The following LDHA variants were observed in gnomAD, a reference collection of about 807,000 sequenced individuals.
The protein encoded by LDHA is lactate dehydrogenase A, also known as L-lactate dehydrogenase A chain.
LDHA carries 10 observed loss-of-function variants against 36.3 expected under a neutral mutation model. That is an observed-to-expected ratio of 0.28 (90% CI 0.17 to 0.47). LDHA has a LOEUF of 0.47. Ranked by LOEUF, LDHA falls within the 20% of genes least tolerant of loss-of-function variation. The pLI is 0.99. For synonymous variants in LDHA, 110 were observed against 136.7 expected (o/e 0.80, Z 1.36); for missense variants, 267 against 405.8 (o/e 0.66, Z 2.94).
In LDHA at chr11:18,396,835, A is replaced by G; in HGVS notation, c.-8A>G. ...CTCCTATAGATTCCTTTTGGTTCCA[A>G]GTCCAATATGGCAACTCTAAAGGAT... On this transcript the variant is annotated 5_prime_UTR_variant, in exon 2 of 8. Coordinates refer to ENST00000422447, the MANE Select transcript of LDHA (RefSeq NM_005566.4). The G allele has an allele frequency of 6.2e-7, 1 of 1,609,540 alleles. No homozygotes were observed. The highest frequency in any genetic ancestry group is 8.5e-7 in the Non-Finnish European group (1 of 1,177,652).
intron 7 of LDHA, chr11:18,405,826 A>G (rs561665039): frequency 6.2e-4 from 217 of 352,510 alleles, no homozygotes; most frequent in Non-Finnish European, 8.5e-4. Flanking sequence ...TAGGTGGAAG[A>G]CTATAAAAGA....
Position 18,402,931 on chromosome 11 carries a change from C to T in LDHA, c.510C>T (p.Phe170=). 2 of 1,612,732 alleles carry T rather than the reference C, an allele frequency of 1.2e-6. No individual in the cohort carries two copies. Among genetic ancestry groups the T allele is most frequent in the Non-Finnish European group, 1.7e-6 (2 of 1,178,774 alleles). ...GSGCNLDSAR[F]RYLMGERLGV... Reference sequence around the variant, plus strand: ...GTTGCAATCTGGATTCAGCCCGATTCCGTTACCTAATGGGGGAAAGGCTGG... The same window carrying T: ...GTTGCAATCTGGATTCAGCCCGATTTCGTTACCTAATGGGGGAAAGGCTGG... Residue 170 remains phenylalanine, a synonymous_variant, in exon 5 of 8, where the codon TTC becomes TTT. Coordinates refer to ENST00000422447, the MANE Select transcript of LDHA (RefSeq NM_005566.4).
At chr11:18,399,994 C>T in intron 3 of LDHA, 1 of 191,180 alleles carries the variant, frequency 5.2e-6, no homozygotes, top group Non-Finnish European at 1.1e-5. Context: ...ACTTAGGTGC[C>T]TGTGAATATC....
Position 18,408,191 on chromosome 11 carries a change from A to G in LDHA, c.*910A>G. ...GAGATCTTGTCCTCTGGAAGCTGGTAACAATTAAAAACAATCTTAAGGCAG... is the reference window on the plus strand; with the variant it reads ...GAGATCTTGTCCTCTGGAAGCTGGTGACAATTAAAAACAATCTTAAGGCAG... On this transcript the variant is annotated 3_prime_UTR_variant, in exon 8 of 8. Transcript: ENST00000422447. The G allele has an allele frequency of 2.2e-6, 1 of 454,112 alleles. No homozygotes were observed. The highest frequency in any genetic ancestry group is 4.4e-6 in the Non-Finnish European group (1 of 226,790). The allele number at this position is 454,112 out of a possible 1,614,324, so 28.1% of individuals were successfully genotyped here.
chr11:18,399,695 C>T (rs1866414384), intron 3 of LDHA, 147 bp downstream of exon 3: 4 of 696,748 alleles, frequency 5.7e-6, no homozygotes, highest in Admixed American at 2.0e-5. Flanking sequence ...ATCCTCCTTC[C>T]ACTTCATTAC....
chr11:18,394,675 G>A (rs1198827620), intron 1 of LDHA, 39 bp downstream of exon 1: 1 of 453,306 alleles, frequency 2.2e-6, no homozygotes, highest in Non-Finnish European at 4.4e-6. Flanking sequence ...CAGAGGGATG[G>A]GCGGGTAGAG....
At chr11:18,401,473 C>CTTTTTTTTTTTTTTTTTTT (rs58157049) in intron 4 of LDHA, among the ~76,000 whole-genome samples, 4 of 68,588 alleles carry the variant, frequency 5.8e-5, no homozygotes, top group South Asian at 6.3e-4. Context: ...ATTTATTTTT[C>CTTTTTTTTTTTTTTTTTTT]TTTTTTTTTT....
At chr11:18,403,282 T>C (rs1866566328) in intron 5 of LDHA, among the ~76,000 whole-genome samples, 1 of 152,206 alleles carries the variant, frequency 6.6e-6, no homozygotes, top group South Asian at 2.1e-4. Flanking sequence ...TCTTCAGTCA[T>C]TTAATATCAC....
At position 18,397,080 on chromosome 11, in the gene LDHA, G is replaced by T. The variant is rs545166605; in HGVS notation, c.126+112G>T. On this transcript the variant is annotated intron_variant, in intron 2 of 7. Transcript: ENST00000422447. ...TTCATGTAACAGTATTTAGATTTAT[G>T]CACTCATTCGGATAACTTTCTGTGA... 12 of 935,864 alleles carry T rather than the reference G, an allele frequency of 1.3e-5. No individual in the cohort carries two copies. In the African/African-American group the frequency reaches 1.8e-4, roughly 14 times the overall value. 58.0% of individuals were successfully genotyped at this position (935,864 alleles called of 1,614,324 possible).
intron 1 of LDHA, chr11:18,396,419 TG>T (rs1866304481): frequency 2.4e-6 from 1 of 424,172 alleles, no homozygotes; most frequent in African/African-American, 2.0e-5. Context: ...TGGCAGTTAA[TG>T]GCTTTTCTGC....
At chr11:18,396,437 C>G (rs754844605) in intron 1 of LDHA, 3 of 451,310 alleles carry the variant, frequency 6.6e-6, no homozygotes, top group Non-Finnish European at 7.4e-6. Flanking sequence ...CTGCACGTAT[C>G]TCTGGTGTTT....
intron 1 of LDHA, chr11:18,396,602 C>G: frequency 1.4e-6 from 2 of 1,379,502 alleles, no homozygotes; most frequent in Non-Finnish European, 1.9e-6. Context: ...ATTCCTTTTC[C>G]ACGCTAAGGT....
chr11:18,395,456 C>T (rs1198390178), intron 1 of LDHA, among the ~76,000 whole-genome samples: 1 of 152,156 alleles, frequency 6.6e-6, no homozygotes, highest in Non-Finnish European at 1.5e-5. Flanking sequence ...TGCCCTCCCA[C>T]CTCCGCCCCT....
chr11:18,399,725 A>T, intron 3 of LDHA, 177 bp downstream of exon 3: 3 of 633,990 alleles, frequency 4.7e-6, no homozygotes, highest in Non-Finnish European at 8.6e-6. Flanking sequence ...CTCACAAAGA[A>T]ACTGGGACTA....
At chr11:18,406,186 G>A (rs566770146) in intron 7 of LDHA, among the ~76,000 whole-genome samples, 21 of 152,046 alleles carry the variant, frequency 1.4e-4, no homozygotes, top group African/African-American at 3.9e-4. Context: ...GGCTGGTCTC[G>A]AACTCCTGAC....
At chr11:18,400,439 A>C (rs1866441979) in intron 3 of LDHA, 1 of 6,936 alleles carries the variant, frequency 1.4e-4, no homozygotes. Flanking sequence ...CCACACACAC[A>C]CACACACACA....
At chr11:18,394,680 G>A in intron 1 of LDHA, 44 bp downstream of exon 1, 1 of 453,188 alleles carries the variant, frequency 2.2e-6, no homozygotes, top group South Asian at 1.6e-5. Flanking sequence ...GGATGGGCGG[G>A]TAGAGCCAAC....
intron 3 of LDHA, 118 bp from the exon 4 acceptor site, chr11:18,400,719 A>G (rs1434265163): frequency 2.7e-6 from 2 of 748,972 alleles, no homozygotes; most frequent in African/African-American, 1.7e-5. Context: ...AAGAAGCCAT[A>G]ATGATAAAAC....
Position 18,407,189 on chromosome 11 carries a change from C to T in LDHA, c.907C>T (p.Leu303Phe), listed in dbSNP as rs777517739. Residue 303 changes from leucine (L) to phenylalanine (F), a missense_variant, in exon 8 of 8, where the codon CTT (leucine) becomes TTT (phenylalanine). By Grantham distance (22) the Leu-to-Phe change is conservative. Coordinates refer to ENST00000422447, the MANE Select transcript of LDHA (RefSeq NM_005566.4). ...TTTGGGACAGAATGGAATCTCAGAC[C>T]TTGTGAAGGTGACTCTGACTTCTGA... ...CILGQNGISD[L>F]VKVTLTSEEE... The T allele has an allele frequency of 3.7e-6, 6 of 1,612,820 alleles. No individual in the cohort carries two copies. Among genetic ancestry groups the T allele is most frequent in the Non-Finnish European group, 4.2e-6 (5 of 1,179,586 alleles).
Sources: allele counts gnomAD v4.1 joint callset (sites outside exome capture counted in the v4.1 genomes callset), GRCh38; gene constraint gnomAD v4.1.1; transcripts MANE v1.5; gene names NCBI Gene and HGNC (gene_info 2026-07-23, HGNC 2026-07-21).